The following RNF144A variants were observed in gnomAD, a reference collection of about 807,000 sequenced individuals.
RNF144A encodes E3 ubiquitin-protein ligase RNF144A.
In RNF144A, 11 loss-of-function variants were observed where a neutral mutation model predicts 38.7. The ratio of observed to expected loss-of-function variants is 0.28; its 90% CI spans 0.18 to 0.47. RNF144A has a LOEUF of 0.47. RNF144A is among the 20% of genes least tolerant of loss of function. RNF144A has a pLI of 0.99. For synonymous variants in RNF144A, 149 were observed against 143.9 expected (o/e 1.04, Z -0.25); for missense variants, 316 against 377.2 (o/e 0.84, Z 1.34).
Position 7,040,890 on chromosome 2 carries a change from TC to T in RNF144A, c.*1133del. The T allele has an allele frequency of 1.0e-6, 1 of 985,452 alleles. No homozygotes were observed. Among genetic ancestry groups the T allele is most frequent in the Middle Eastern group, 5.2e-4 (1 of 1,914 alleles). 61.0% of individuals were successfully genotyped at this position (985,452 alleles called of 1,614,324 possible). A position where few individuals can be genotyped will look rare whatever the true frequency, so the allele number is the denominator to read the frequency against. ...TTTGCTCTTGTTGGGGAAAAGAACC[TC>T]CCATTTCACTTCGTTTTAACGTGGG... On this transcript the variant is annotated 3_prime_UTR_variant, in exon 9 of 9. Coordinates refer to ENST00000320892, the MANE Select transcript of RNF144A (RefSeq NM_014746.6).
At chr2:7,045,619 G>T (rs1197338544), downstream of RNF144A, among the ~76,000 whole-genome samples, 1 of 152,142 alleles carries the variant, frequency 6.6e-6, no homozygotes, top group African/African-American at 2.4e-5. Context: ...ATCTTCACTC[G>T]ATCATCTGCA....
At chr2:7,019,097 G>A (rs1671337162) in intron 5 of RNF144A, among the ~76,000 whole-genome samples, 1 of 152,192 alleles carries the variant, frequency 6.6e-6, no homozygotes, top group Non-Finnish European at 1.5e-5. Flanking sequence ...AGACTTAGAT[G>A]ATGACTATCC....
chr2:6,992,120 G>A, intron 2 of RNF144A, among the ~76,000 whole-genome samples: 1 of 152,324 alleles, frequency 6.6e-6, no homozygotes, highest in Non-Finnish European at 1.5e-5. Context: ...CACTTGGTGG[G>A]CTTCGACCCA....
At chr2:7,026,642 G>A (rs1324851968) in intron 7 of RNF144A, among the ~76,000 whole-genome samples, 4 of 152,220 alleles carry the variant, frequency 2.6e-5, no homozygotes, top group East Asian at 1.9e-4. Flanking sequence ...ACAGAGCCCC[G>A]TGCGGATCAT....
chr2:6,964,063 G>GAA (rs60966755), intron 2 of RNF144A, among the ~76,000 whole-genome samples: 17 of 149,458 alleles, frequency 1.1e-4, no homozygotes, highest in African/African-American at 3.7e-4. Flanking sequence ...AGCAGAGATG[G>GAA]AAAAAAAAAC....
At chr2:7,012,492 T>G (rs1670882562) in intron 3 of RNF144A, among the ~76,000 whole-genome samples, 1 of 152,222 alleles carries the variant, frequency 6.6e-6, no homozygotes, top group Admixed American at 6.5e-5. Context: ...GTTGAGCCTG[T>G]CTGGCTCTGA....
chr2:6,931,359 G>T (rs554613860), intron 1 of RNF144A, among the ~76,000 whole-genome samples: 1 of 152,360 alleles, frequency 6.6e-6, no homozygotes, highest in Non-Finnish European at 1.5e-5. Flanking sequence ...TCATGCCTAT[G>T]AAACTTCAAA....
Position 6,973,595 on chromosome 2 carries a change from G to C in RNF144A, c.-11-23321G>C, listed in dbSNP as rs768959357. On this transcript the variant is annotated intron_variant, in intron 2 of 8. Transcript: ENST00000320892. ...CCAGTGAGGATGAGGTTGGGAAAGG[G>C]CTTCACATCAGGCCTAAGTCTTTTG... is the stretch of plus-strand genomic sequence containing the variant. Among the ~76,000 whole-genome samples the C allele has an allele frequency of 6.3e-4, 96 of 152,314 alleles. 1 individual carries two copies. Among genetic ancestry groups the C allele is most frequent in the Middle Eastern group, 3.4e-3 (1 of 294 alleles).
At chr2:6,975,024 T>C (rs1668224614) in intron 2 of RNF144A, among the ~76,000 whole-genome samples, 1 of 152,246 alleles carries the variant, frequency 6.6e-6, no homozygotes, top group African/African-American at 2.4e-5. Flanking sequence ...TTTATTTTTA[T>C]TAAAATCTTT....
intron 2 of RNF144A, among the ~76,000 whole-genome samples, chr2:6,995,857 G>A (rs1478257862): frequency 6.6e-6 from 1 of 152,172 alleles, no homozygotes; most frequent in Non-Finnish European, 1.5e-5. Context: ...AATCAAGTTG[G>A]CACTCAGTGT....
At chr2:7,006,664 C>G (rs1174273452) in intron 3 of RNF144A, among the ~76,000 whole-genome samples, 1 of 152,180 alleles carries the variant, frequency 6.6e-6, no homozygotes, top group Non-Finnish European at 1.5e-5. Flanking sequence ...AGGCTGGCAG[C>G]CACTGTCCTC....
intron 2 of RNF144A, among the ~76,000 whole-genome samples, chr2:6,963,513 T>G (rs983374016): frequency 1.3e-5 from 2 of 152,144 alleles, no homozygotes; most frequent in African/African-American, 4.8e-5. Flanking sequence ...TCAGAATGAA[T>G]CTGTGTAATT....
At chr2:7,006,453 T>C (rs1473676603) in intron 3 of RNF144A, among the ~76,000 whole-genome samples, 2 of 152,080 alleles carry the variant, frequency 1.3e-5, no homozygotes, top group Non-Finnish European at 2.9e-5. Flanking sequence ...ACCTGTGTTT[T>C]GGGAAGGGAC....
At chr2:7,052,156 G>A (rs1673554366) in intron 6 of RNF144A, among the ~76,000 whole-genome samples, 1 of 152,046 alleles carries the variant, frequency 6.6e-6, no homozygotes, top group African/African-American at 2.4e-5. Flanking sequence ...TTATACCTTG[G>A]CATCACCTCA....
chr2:6,924,136 G>A (rs13401485), intron 1 of RNF144A, among the ~76,000 whole-genome samples: 44,587 of 152,158 alleles, frequency 0.29, 7,083 homozygotes, highest in South Asian at 0.41. Context: ...TTAAGACCCT[G>A]AGAAGTCAGA....
At chr2:6,988,091 A>T (rs1290367933) in intron 2 of RNF144A, among the ~76,000 whole-genome samples, 1 of 152,216 alleles carries the variant, frequency 6.6e-6, no homozygotes, top group African/African-American at 2.4e-5. Context: ...TTTCGTTTAA[A>T]AATAAACTTT....
intron 8 of RNF144A, 79 bp from the exon 9 acceptor site, chr2:7,039,550 G>A (rs1672915736): frequency 6.4e-7 from 1 of 1,562,160 alleles, no homozygotes; most frequent in Non-Finnish European, 8.7e-7. Flanking sequence ...ATGGGTAGCT[G>A]GTTGTGTGGT....
chr2:6,920,703 CTTTCT>C (rs1178354866), intron 1 of RNF144A, among the ~76,000 whole-genome samples: 1 of 152,220 alleles, frequency 6.6e-6, no homozygotes, highest in East Asian at 1.9e-4. Flanking sequence ...TTGGAGGTGC[CTTTCT>C]TTTCTTTAAG....
chr2:7,063,671 A>G (rs1212504765), intron 6 of RNF144A, among the ~76,000 whole-genome samples: 1 of 152,162 alleles, frequency 6.6e-6, no homozygotes, highest in Non-Finnish European at 1.5e-5. Flanking sequence ...CACAGAAGGT[A>G]CACTCAGAAG....
Sources: gnomAD v4.1 joint callset for allele counts (sites outside exome capture counted in the v4.1 genomes callset) on GRCh38, gnomAD v4.1.1 for gene constraint, MANE v1.5 for transcripts, NCBI Gene and HGNC (gene_info 2026-07-23, HGNC 2026-07-21) for gene names.